CSMD3: variants seen among roughly 807,000 people sequenced by gnomAD.
The protein encoded by CSMD3 is CUB and Sushi multiple domains 3.
A neutral mutation model predicts 435.2 loss-of-function variants in CSMD3; 177 were observed. The observed-to-expected ratio is 0.41, with a 90% CI of 0.36 to 0.46. The LOEUF (loss-of-function observed/expected upper bound fraction) is 0.46, where lower values mean the gene tolerates loss of function less well. Among genes scored for constraint, CSMD3 ranks in the 20% least tolerant of loss-of-function variants. CSMD3 has a pLI of 0.34. For synonymous variants in CSMD3, 1,656 were observed against 1,520.5 expected (o/e 1.09, Z -2.07); for missense variants, 4,265 against 4,504.6 (o/e 0.95, Z 1.52).
At chr8:112,452,401 T>G (rs1358478991) in intron 32 of CSMD3, among the ~76,000 whole-genome samples, 1 of 152,222 alleles carries the variant, frequency 6.6e-6, no homozygotes, top group Non-Finnish European at 1.5e-5. Flanking sequence ...ATGTCTAGTT[T>G]ACATTATTTC....
chr8:113,066,923 A>G (rs1564275348), intron 5 of CSMD3, among the ~76,000 whole-genome samples: 2 of 152,096 alleles, frequency 1.3e-5, no homozygotes, highest in Non-Finnish European at 2.9e-5. Context: ...TAGGGTGGGA[A>G]TGATGCCATT....
intron 16 of CSMD3, among the ~76,000 whole-genome samples, chr8:112,671,311 C>T (rs1248617245): frequency 6.6e-6 from 1 of 151,814 alleles, no homozygotes; most frequent in Non-Finnish European, 1.5e-5. Context: ...GTTTTATGAC[C>T]CAGGAATGTC....
chr8:112,899,514 C>A (rs1397390596), intron 10 of CSMD3, among the ~76,000 whole-genome samples: 1 of 136,008 alleles, frequency 7.4e-6, no homozygotes, highest in Non-Finnish European at 1.6e-5. Flanking sequence ...TATATATTTT[C>A]TATATATATA....
intron 1 of CSMD3, among the ~76,000 whole-genome samples, chr8:113,337,237 T>A: frequency 6.6e-6 from 1 of 152,112 alleles, no homozygotes; most frequent in East Asian, 1.9e-4. Context: ...CTGCCTTTTT[T>A]CCCCTACCTC....
At chr8:112,229,255 C>G (rs1463294656) in intron 69 of CSMD3, among the ~76,000 whole-genome samples, 1 of 152,060 alleles carries the variant, frequency 6.6e-6, no homozygotes, top group Non-Finnish European at 1.5e-5. Flanking sequence ...ATAGGCTTGG[C>G]TTGAAAAATC....
At chr8:112,676,606 A>G (rs749223394) in intron 16 of CSMD3, among the ~76,000 whole-genome samples, 12 of 152,140 alleles carry the variant, frequency 7.9e-5, no homozygotes, top group Non-Finnish European at 1.5e-4. Flanking sequence ...GGTCTGCAAT[A>G]AAATCCTTTT....
At chr8:113,435,586 C>A (rs1033633872) in intron 1 of CSMD3, among the ~76,000 whole-genome samples, 2 of 151,928 alleles carry the variant, frequency 1.3e-5, no homozygotes, top group Non-Finnish European at 2.9e-5. Context: ...CGCGCCTGGG[C>A]CAAAACAGCA....
chr8:113,023,994 T>C (rs2086781480), intron 5 of CSMD3, among the ~76,000 whole-genome samples: 1 of 152,140 alleles, frequency 6.6e-6, no homozygotes, highest in South Asian at 2.1e-4. Context: ...ATAGTTACCC[T>C]ACAGTGCAAT....
At chr8:112,824,246 CTCTT>C (rs1368188115) in intron 12 of CSMD3, among the ~76,000 whole-genome samples, 1 of 152,064 alleles carries the variant, frequency 6.6e-6, no homozygotes, top group Non-Finnish European at 1.5e-5. Context: ...TGAGTCTTGA[CTCTT>C]TATCCAATTT....
intron 3 of CSMD3, among the ~76,000 whole-genome samples, chr8:113,245,725 T>C (rs775604926): frequency 3.3e-4 from 50 of 152,094 alleles, no homozygotes; most frequent in Non-Finnish European, 2.9e-4. Context: ...TTTACTGTTC[T>C]CTATTTCTTT....
At chr8:112,530,294 C>T (rs1452913294) in intron 27 of CSMD3, among the ~76,000 whole-genome samples, 1 of 152,042 alleles carries the variant, frequency 6.6e-6, no homozygotes, top group Non-Finnish European at 1.5e-5. Flanking sequence ...AACATCCAGA[C>T]CCAAGAAGTC....
At chr8:112,819,793 C>G (rs73702227) in intron 12 of CSMD3, among the ~76,000 whole-genome samples, 1 of 152,058 alleles carries the variant, frequency 6.6e-6, no homozygotes, top group Admixed American at 6.6e-5. Context: ...AGTATTTATA[C>G]TTTGATAGAC....
chr8:112,724,503 G>A (rs2076924935), intron 13 of CSMD3, among the ~76,000 whole-genome samples: 1 of 152,190 alleles, frequency 6.6e-6, no homozygotes, highest in Admixed American at 6.5e-5. Context: ...GTCTGAGCAA[G>A]GGGAATGATG....
chr8:112,760,802 G>T (rs990657231), intron 13 of CSMD3, among the ~76,000 whole-genome samples: 1 of 152,060 alleles, frequency 6.6e-6, no homozygotes. Flanking sequence ...TGCTCTTTTA[G>T]GGGAGGGATA....
At position 112,640,534 on chromosome 8, in the gene CSMD3, A is replaced by G. The variant is rs181525191; in HGVS notation, c.3311-1623T>C. Among the ~76,000 whole-genome samples the G allele has an allele frequency of 2.2e-4, 34 of 152,180 alleles. No individual in the cohort carries two copies. The East Asian group carries it at 6.4e-3, about 29-fold the overall frequency. ...ATGAATCAGAGATTTCATATTTGAG[A>G]AATATTTGAAATATATAAGGTACTA... On this transcript the variant is annotated intron_variant, in intron 20 of 70. Coordinates refer to ENST00000297405, the MANE Select transcript of CSMD3 (RefSeq NM_198123.2).
At chr8:112,600,865 G>A (rs1053003812) in intron 22 of CSMD3, among the ~76,000 whole-genome samples, 7 of 152,004 alleles carry the variant, frequency 4.6e-5, no homozygotes, top group Non-Finnish European at 8.8e-5. Context: ...TTTTAGTAGA[G>A]ACGGGGTTTC....
chr8:112,320,089 A>G (rs1211507603), intron 45 of CSMD3, 108 bp from the exon 46 acceptor site: 2 of 719,308 alleles, frequency 2.8e-6, no homozygotes, highest in African/African-American at 1.8e-5. Context: ...ATAAAAATAA[A>G]TTACATAATT....
chr8:112,924,272 C>T (rs1002473024), intron 9 of CSMD3, among the ~76,000 whole-genome samples: 1 of 152,066 alleles, frequency 6.6e-6, no homozygotes, highest in Non-Finnish European at 1.5e-5. Context: ...TCACGGAAAT[C>T]CGAGTTTTCA....
At chr8:112,790,473 C>T (rs2078659484) in intron 13 of CSMD3, among the ~76,000 whole-genome samples, 2 of 151,600 alleles carry the variant, frequency 1.3e-5, no homozygotes, top group Non-Finnish European at 1.5e-5. Flanking sequence ...TAGGCATGTA[C>T]CATCAGGATT....
Sources: allele counts gnomAD v4.1 joint callset (sites outside exome capture counted in the v4.1 genomes callset), GRCh38; gene constraint gnomAD v4.1.1; transcripts MANE v1.5; gene names NCBI Gene and HGNC (gene_info 2026-07-23, HGNC 2026-07-21).